The following HS3ST4 variants were observed in gnomAD, a reference collection of about 807,000 sequenced individuals.
The protein encoded by HS3ST4 is heparan sulfate-glucosamine 3-sulfotransferase 4, also known as heparan sulfate glucosamine 3-O-sulfotransferase 4.
In HS3ST4, 17 loss-of-function variants were observed where a neutral mutation model predicts 29.2. The ratio of observed to expected loss-of-function variants is 0.58; its 90% CI spans 0.40 to 0.87. The LOEUF (loss-of-function observed/expected upper bound fraction) is 0.87, where lower values mean the gene tolerates loss of function less well. Ranked by LOEUF, HS3ST4 falls within the 40% of genes least tolerant of loss-of-function variation. The pLI, the probability that HS3ST4 is intolerant of heterozygous loss-of-function variation, is 0.00. For synonymous variants in HS3ST4, 314 were observed against 285.7 expected, an observed-to-expected ratio of 1.10 and a Z score of -1.00; for missense variants, 627 against 634.5, an observed-to-expected ratio of 0.99 and a Z score of 0.13.
intron 1 of HS3ST4, among the ~76,000 whole-genome samples, chr16:25,821,220 G>A (rs866025115): frequency 1.3e-4 from 20 of 151,898 alleles, no homozygotes; most frequent in Non-Finnish European, 1.8e-4. Context: ...ACCAAGCCTG[G>A]CTAATTTTTT....
chr16:25,933,996 C>G (rs1477456146), intron 1 of HS3ST4, among the ~76,000 whole-genome samples: 1 of 152,166 alleles, frequency 6.6e-6, no homozygotes, highest in Admixed American at 6.5e-5. Context: ...GCTGGTTTTC[C>G]CAGTGCCCAT....
chr16:25,779,655 T>C (rs1966850894), intron 1 of HS3ST4, among the ~76,000 whole-genome samples: 1 of 152,250 alleles, frequency 6.6e-6, no homozygotes, highest in African/African-American at 2.4e-5. Flanking sequence ...GAACAAAATC[T>C]ACTTTTCTTG....
At chr16:25,937,240 G>A (rs1011034450) in intron 1 of HS3ST4, among the ~76,000 whole-genome samples, 3 of 152,014 alleles carry the variant, frequency 2.0e-5, no homozygotes, top group African/African-American at 7.2e-5. Context: ...GTTAATGGAG[G>A]GTAAGAATGG....
intron 1 of HS3ST4, among the ~76,000 whole-genome samples, chr16:26,018,019 C>T (rs553759895): frequency 2.0e-5 from 3 of 152,126 alleles, no homozygotes; most frequent in Non-Finnish European, 2.9e-5. Context: ...ATGCATGGGT[C>T]AAAGAAATAA....
At chr16:25,876,076 G>T (rs1215849811) in intron 1 of HS3ST4, among the ~76,000 whole-genome samples, 1 of 152,070 alleles carries the variant, frequency 6.6e-6, no homozygotes, top group Non-Finnish European at 1.5e-5. Context: ...AACCCAATTT[G>T]ACCTAAAGTT....
intron 1 of HS3ST4, among the ~76,000 whole-genome samples, chr16:26,021,648 A>G (rs898945781): frequency 6.6e-6 from 1 of 151,808 alleles, no homozygotes; most frequent in Non-Finnish European, 1.5e-5. Flanking sequence ...AGCACTTCCA[A>G]TCTAAGTTCT....
chr16:26,101,462 G>A (rs919961571), intron 1 of HS3ST4, among the ~76,000 whole-genome samples: 4 of 152,200 alleles, frequency 2.6e-5, no homozygotes, highest in African/African-American at 7.2e-5. Flanking sequence ...GCTCCATGAA[G>A]GCAGAGAACT....
At chr16:25,816,347 G>A (rs1967092280) in intron 1 of HS3ST4, among the ~76,000 whole-genome samples, 1 of 152,150 alleles carries the variant, frequency 6.6e-6, no homozygotes, top group Admixed American at 6.5e-5. Context: ...ACTTCCGAAA[G>A]CTTCCATTGA....
intron 1 of HS3ST4, among the ~76,000 whole-genome samples, chr16:26,092,233 G>GA (rs796150566): frequency 2.0e-5 from 3 of 152,080 alleles, no homozygotes; most frequent in Non-Finnish European, 2.9e-5. Flanking sequence ...TCTCTGGGCA[G>GA]AAAAAAACGT....
At chr16:25,784,696 G>A (rs1966855818) in intron 1 of HS3ST4, among the ~76,000 whole-genome samples, 1 of 152,144 alleles carries the variant, frequency 6.6e-6, no homozygotes, top group African/African-American at 2.4e-5. Flanking sequence ...TGGTTCATGA[G>A]GTTTAAGGAA....
At chr16:25,727,759 A>G (rs1966546470) in intron 1 of HS3ST4, among the ~76,000 whole-genome samples, 1 of 152,202 alleles carries the variant, frequency 6.6e-6, no homozygotes, top group African/African-American at 2.4e-5. Context: ...GCCATTCGGT[A>G]CACCTCATGA....
chr16:25,930,252 G>C (rs1387875533), intron 1 of HS3ST4, among the ~76,000 whole-genome samples: 1 of 152,142 alleles, frequency 6.6e-6, no homozygotes, highest in Non-Finnish European at 1.5e-5. Context: ...CATGGAAGTG[G>C]CCTCACCTAA....
chr16:25,737,751 T>C (rs1206814588), intron 1 of HS3ST4, among the ~76,000 whole-genome samples: 3 of 152,078 alleles, frequency 2.0e-5, no homozygotes, highest in Admixed American at 2.0e-4. Flanking sequence ...AAAGAAACAA[T>C]GTATACATTT....
chr16:25,831,153 T>C (rs192458273), intron 1 of HS3ST4, among the ~76,000 whole-genome samples: 1 of 152,292 alleles, frequency 6.6e-6, no homozygotes, highest in Non-Finnish European at 1.5e-5. Context: ...AAATGTCATC[T>C]CTTCAGAGAA....
At chr16:25,927,443 T>C (rs954019713) in intron 1 of HS3ST4, among the ~76,000 whole-genome samples, 1 of 152,190 alleles carries the variant, frequency 6.6e-6, no homozygotes, top group Non-Finnish European at 1.5e-5. Flanking sequence ...GGACTAACAA[T>C]GTGAGCAATA....
intron 1 of HS3ST4, among the ~76,000 whole-genome samples, chr16:25,805,655 C>T (rs1966982555): frequency 6.6e-6 from 1 of 152,004 alleles, no homozygotes; most frequent in African/African-American, 2.4e-5. Flanking sequence ...TAAGAAGATC[C>T]TTATGGGATT....
chr16:26,024,672 C>T (rs900060076), intron 1 of HS3ST4, among the ~76,000 whole-genome samples: 3 of 152,174 alleles, frequency 2.0e-5, no homozygotes, highest in African/African-American at 7.2e-5. Context: ...GCAGAGACTG[C>T]AGTGAGCCAA....
At chr16:25,864,030 C>T (rs1260839308) in intron 1 of HS3ST4, among the ~76,000 whole-genome samples, 2 of 152,180 alleles carry the variant, frequency 1.3e-5, no homozygotes, top group East Asian at 1.9e-4. Flanking sequence ...TTCGCCTCTT[C>T]GCGTGGGCAT....
At chr16:26,113,730 A>G (rs1899166190) in intron 1 of HS3ST4, among the ~76,000 whole-genome samples, 1 of 151,774 alleles carries the variant, frequency 6.6e-6, no homozygotes, top group East Asian at 1.9e-4. Context: ...CTTGCTCTCC[A>G]TTTCCCTCTC....
Sources: allele counts gnomAD v4.1 joint callset (sites outside exome capture counted in the v4.1 genomes callset), GRCh38; gene constraint gnomAD v4.1.1; transcripts MANE v1.5; gene names NCBI Gene and HGNC (gene_info 2026-07-23, HGNC 2026-07-21).